ATAD2: variants seen among roughly 807,000 people sequenced by gnomAD.
ATAD2 encodes ATPase family AAA domain containing 2.
In ATAD2, 62 loss-of-function variants were observed where a neutral mutation model predicts 168.9. The ratio of observed to expected loss-of-function variants is 0.37; its 90% CI spans 0.30 to 0.45. The LOEUF is 0.45. Ranked by LOEUF, ATAD2 falls within the 20% of genes least tolerant of loss-of-function variation. The pLI is 1.00. For missense variants in ATAD2, 1,419 were observed against 1,667.8 expected, an observed-to-expected ratio of 0.85 and a Z score of 2.60; for synonymous variants, 613 against 571.6, an observed-to-expected ratio of 1.07 and a Z score of -1.03.
At chr8:123,343,603 GA>G (rs994590165) in intron 19 of ATAD2, among the ~76,000 whole-genome samples, 7 of 151,504 alleles carry the variant, frequency 4.6e-5, no homozygotes, top group Non-Finnish European at 7.4e-5. Flanking sequence ...TCAAAAGTGT[GA>G]AAAAAAACCA....
intron 8 of ATAD2, among the ~76,000 whole-genome samples, chr8:123,365,343 G>A (rs1828943086): frequency 6.6e-6 from 1 of 152,104 alleles, no homozygotes; most frequent in African/African-American, 2.4e-5. Flanking sequence ...TTGTGGAAAC[G>A]ACCATATTGC....
At chr8:123,416,117 G>A (rs1273034383) in intron 1 of ATAD2, 1 of 152,002 alleles carries the variant, frequency 6.6e-6, no homozygotes, top group Non-Finnish European at 1.5e-5. Context: ...TATCCCTTTC[G>A]GAAAGCGTCC....
At chr8:123,328,680 A>T in intron 24 of ATAD2, 101 bp from the exon 25 acceptor site, 1 of 1,192,260 alleles carries the variant, frequency 8.4e-7, no homozygotes, top group Non-Finnish European at 1.1e-6. Context: ...ATAGTGAGAA[A>T]CCACAGTATT....
intron 12 of ATAD2, among the ~76,000 whole-genome samples, chr8:123,357,128 A>G (rs1434727858): frequency 2.0e-5 from 3 of 152,204 alleles, no homozygotes; most frequent in Admixed American, 6.5e-5. Context: ...AGAGTTCCAA[A>G]AAGAGATTTA....
At chr8:123,359,974 T>C (rs1446084083) in intron 9 of ATAD2, among the ~76,000 whole-genome samples, 2 of 152,178 alleles carry the variant, frequency 1.3e-5, no homozygotes, top group African/African-American at 4.8e-5. Flanking sequence ...AATCAGACAG[T>C]ACTAACCTAC....
intron 1 of ATAD2, among the ~76,000 whole-genome samples, chr8:123,411,803 C>T (rs186670774): frequency 4.5e-4 from 69 of 152,056 alleles, no homozygotes; most frequent in African/African-American, 1.4e-3. Flanking sequence ...AAAGTAATTC[C>T]TGCTTATAAT....
At chr8:123,367,075 A>G (rs1829001410) in intron 8 of ATAD2, among the ~76,000 whole-genome samples, 1 of 152,170 alleles carries the variant, frequency 6.6e-6, no homozygotes, top group African/African-American at 2.4e-5. Context: ...CTGAAAGCCA[A>G]TTAAAAATCT....
At chr8:123,382,167 A>C (rs948569867) in intron 1 of ATAD2, among the ~76,000 whole-genome samples, 5 of 152,216 alleles carry the variant, frequency 3.3e-5, no homozygotes, top group African/African-American at 1.2e-4. Context: ...GTGATTTAGG[A>C]AAAAAACACC....
At chr8:123,400,121 G>A (rs1444429799), upstream of ATAD2, among the ~76,000 whole-genome samples, 6 of 152,078 alleles carry the variant, frequency 3.9e-5, no homozygotes, top group Admixed American at 3.9e-4. The surrounding 1 kb of genome is among the most constrained non-coding windows in gnomAD (Gnocchi z 4.5). Context: ...CCAAGATCAT[G>A]CCACTGCACT....
chr8:123,327,053 C>T (rs976088055), intron 25 of ATAD2, among the ~76,000 whole-genome samples: 2 of 152,070 alleles, frequency 1.3e-5, no homozygotes, highest in Non-Finnish European at 2.9e-5. Flanking sequence ...GGACTACAGG[C>T]GTTAGCCACC....
chr8:123,367,133 G>A lies in ATAD2; in HGVS notation c.1049+1925C>T, dbSNP rs529994879. Among the ~76,000 whole-genome samples, 20 of 152,158 alleles carry A rather than the reference G, an allele frequency of 1.3e-4. No individual in the cohort carries two copies. The East Asian group carries it at 3.7e-3, about 28-fold the overall frequency. ...GCACTTTGAATCTAACCAATAACTCGGCCGGGTGCAGTGGCTCATGCCTGC... is the reference window on the plus strand; with the variant it reads ...GCACTTTGAATCTAACCAATAACTCAGCCGGGTGCAGTGGCTCATGCCTGC... On this transcript the variant is annotated intron_variant, in intron 8 of 27. Coordinates refer to ENST00000287394, the MANE Select transcript of ATAD2 (RefSeq NM_014109.4).
intron 22 of ATAD2, among the ~76,000 whole-genome samples, chr8:123,334,737 A>G (rs1827867345): frequency 6.6e-6 from 1 of 152,220 alleles, no homozygotes; most frequent in Non-Finnish European, 1.5e-5. Context: ...GACAAAGACA[A>G]TGAAAAAGCA....
intron 24 of ATAD2, among the ~76,000 whole-genome samples, 160 bp downstream of exon 24, chr8:123,333,718 A>T (rs1204840239): frequency 6.6e-6 from 1 of 152,220 alleles, no homozygotes; most frequent in Non-Finnish European, 1.5e-5. Flanking sequence ...GTACATTATA[A>T]ACTTGGATTT....
intron 1 of ATAD2, among the ~76,000 whole-genome samples, chr8:123,408,339 G>T (rs756804464): frequency 3.3e-5 from 5 of 152,132 alleles, no homozygotes; most frequent in African/African-American, 4.8e-5. Flanking sequence ...TGGAAACCTG[G>T]CAATAAGGAT....
intron 1 of ATAD2, among the ~76,000 whole-genome samples, chr8:123,412,768 C>T (rs1263437510): frequency 6.6e-6 from 1 of 152,062 alleles, no homozygotes; most frequent in African/African-American, 2.4e-5. Context: ...CTGAGTACTG[C>T]AGAACTCTCA....
At chr8:123,383,955 C>G (rs1309617778) in intron 1 of ATAD2, among the ~76,000 whole-genome samples, 4 of 151,736 alleles carry the variant, frequency 2.6e-5, no homozygotes, top group African/African-American at 9.7e-5. Context: ...GTAGCACGTG[C>G]CTGTAATCCC....
chr8:123,414,468 A>G (rs555285382), intron 1 of ATAD2, among the ~76,000 whole-genome samples: 1 of 152,276 alleles, frequency 6.6e-6, no homozygotes, highest in East Asian at 1.9e-4. Flanking sequence ...AAGAACTATT[A>G]ATTATGTTAG....
In ATAD2 at chr8:123,346,660, G is replaced by A. The variant is rs766994411; in HGVS notation, c.2303C>T (p.Ser768Phe). Residue 768 changes from serine (S) to phenylalanine (F), a missense_variant, in exon 17 of 28, where the codon TCT becomes TTT. Physicochemically the swap from Ser to Phe is radical, Grantham distance 155 (BLOSUM62 -2). This residue lies in a region of ATAD2 where 545 missense variants were observed against 724.9 expected (regional missense o/e 0.75). Coordinates refer to ENST00000287394, the MANE Select transcript of ATAD2 (RefSeq NM_014109.4). ...VYENGLSQKS[S>F]HKAKDNFNFL... ...ATTAAAATTGTCTTTTGCCTTATGA[G>A]AAGATTTCTGAGAAAGTCCATTTTC... The A allele has an allele frequency of 6.3e-7, 1 of 1,583,872 alleles. No homozygotes were observed. The highest frequency in any genetic ancestry group is 8.6e-7 in the Non-Finnish European group (1 of 1,163,670).
Position 123,347,194 on chromosome 8 carries a change from C to T in ATAD2, c.2110G>A (p.Val704Ile), listed in dbSNP as rs753397450. The change falls in exon 16 of 28, where the codon GTT becomes ATT. Residue 704 changes from valine (V) to isoleucine (I), a missense_variant. Around this residue, in one of 5 missense-constraint regions of ATAD2, gnomAD observed 545 missense variants for 724.9 expected, o/e 0.75. Coordinates refer to ENST00000287394, the MANE Select transcript of ATAD2 (RefSeq NM_014109.4). ...VTSPGQALSTVVKPLLQNTVD... is the reference protein window; with the variant it reads ...VTSPGQALSTIVKPLLQNTVD... The stretch of plus-strand genomic sequence containing the variant: ...GTGTTTTGCAGGAGTGGTTTCACAA[C>T]GGTGGACAGTGCCTGCCCAGGTGAT... 39 of 1,614,032 alleles carry T rather than the reference C, an allele frequency of 2.4e-5. No homozygotes were observed. The highest frequency in any genetic ancestry group is 3.3e-4 in the Middle Eastern group (2 of 6,084).
Sources: allele counts gnomAD v4.1 joint callset (sites outside exome capture counted in the v4.1 genomes callset), GRCh38; gene constraint gnomAD v4.1.1; regional missense constraint gnomAD v4.1.1; non-coding constraint Gnocchi (gnomAD v3.1); transcripts MANE v1.5; gene names NCBI Gene and HGNC (gene_info 2026-07-23, HGNC 2026-07-21).